The following HIKESHI variants were observed in gnomAD, a reference collection of about 807,000 sequenced individuals.
HIKESHI encodes the protein protein Hikeshi.
Under a neutral mutation model 25.7 loss-of-function variants are expected in HIKESHI, and 13 were observed. The observed-to-expected ratio is 0.51, with a 90% CI of 0.33 to 0.80. The LOEUF (loss-of-function observed/expected upper bound fraction) is 0.80, where lower values mean the gene tolerates loss of function less well. Among genes scored for constraint, HIKESHI ranks in the 30% least tolerant of loss-of-function variants. The probability of loss-of-function intolerance (pLI) is 0.02; values close to 1 mark genes in which losing one functional copy is unlikely to be tolerated. For missense variants in HIKESHI, 174 were observed against 229.5 expected (o/e 0.76, Z 1.56); for synonymous variants, 76 against 78.7 (o/e 0.97, Z 0.18).
intron 2 of HIKESHI, chr11:86,324,054 G>C (rs1243135578): frequency 6.6e-6 from 1 of 151,998 alleles, no homozygotes; most frequent in Non-Finnish European, 1.5e-5. Context: ...GAGTGCAGTG[G>C]CTATATACAG....
intron 2 of HIKESHI, among the ~76,000 whole-genome samples, chr11:86,327,792 T>C (rs1947321320): frequency 6.6e-6 from 1 of 152,228 alleles, no homozygotes; most frequent in East Asian, 1.9e-4. Context: ...TTTAATTGTT[T>C]TACTAGCAAT....
chr11:86,326,511 A>T (rs1319352077), intron 2 of HIKESHI: 1 of 456,130 alleles, frequency 2.2e-6, no homozygotes, highest in Non-Finnish European at 4.4e-6. Flanking sequence ...CTCATTCATC[A>T]GGTAATTATT....
chr11:86,307,645 A>C (rs11234606), intron 2 of HIKESHI, among the ~76,000 whole-genome samples: 2,036 of 30,914 alleles, frequency 0.066, 530 homozygotes, highest in East Asian at 0.2. Flanking sequence ...CATTATATAT[A>C]AAATATATAT....
At position 86,344,946 on chromosome 11, in the gene HIKESHI, T is replaced by C. The variant is rs556395697; in HGVS notation, c.539+225T>C. 1.3e-4 allele frequency: 71 copies of C among 532,264 alleles called. No homozygotes were observed. In the South Asian group the frequency reaches 2.4e-3, roughly 18 times the overall value. 33.0% of individuals were successfully genotyped at this position (532,264 alleles called of 1,614,324 possible). A position where few individuals can be genotyped will look rare whatever the true frequency, so the allele number is the denominator to read the frequency against. The stretch of plus-strand genomic sequence containing the variant: ...ATGAATTTATAAAGACAGGAAAATA[T>C]AGTTGCCTATGTTTTAGGGACCACT... On this transcript the variant is annotated intron_variant, in intron 4 of 4. Transcript: ENST00000278483.
intron 2 of HIKESHI, among the ~76,000 whole-genome samples, chr11:86,321,911 G>A (rs1947159357): frequency 6.6e-6 from 1 of 152,112 alleles, no homozygotes; most frequent in African/African-American, 2.4e-5. Flanking sequence ...TCAGTTTTAA[G>A]CATTCTAATA....
intron 2 of HIKESHI, among the ~76,000 whole-genome samples, chr11:86,315,227 T>C (rs1004249236): frequency 1.3e-5 from 2 of 152,168 alleles, no homozygotes; most frequent in Non-Finnish European, 1.5e-5. Context: ...CATTTATAGC[T>C]GAACAGCAGT....
In HIKESHI at chr11:86,326,222, C is replaced by T. The variant is rs571559769; in HGVS notation, c.269-11157C>T. ...TTGAGGCAGGAGAATCACTTGAACC[C>T]AGGTGGTGGAGGTTGCAGTGAGCCA... On this transcript the variant is annotated intron_variant, in intron 2 of 4. Transcript: ENST00000278483. Among the ~76,000 whole-genome samples, 111 of 152,254 alleles carry T rather than the reference C, an allele frequency of 7.3e-4. 3 individuals carry two copies. In the South Asian group the frequency reaches 0.023, roughly 31 times the overall value.
intron 1 of HIKESHI, among the ~76,000 whole-genome samples, chr11:86,302,903 G>C (rs1019568185): frequency 2.0e-5 from 3 of 152,168 alleles, no homozygotes; most frequent in Non-Finnish European, 4.4e-5. Context: ...AGGTGAATTT[G>C]GGATTGAATT....
chr11:86,311,772 T>C (rs1243190810), intron 2 of HIKESHI, among the ~76,000 whole-genome samples: 4 of 152,218 alleles, frequency 2.6e-5, no homozygotes, highest in African/African-American at 9.7e-5. Flanking sequence ...TTTATTCTTA[T>C]TGGTTTCAAA....
intron 2 of HIKESHI, among the ~76,000 whole-genome samples, chr11:86,332,647 G>T (rs1183737914): frequency 6.6e-6 from 1 of 152,038 alleles, no homozygotes; most frequent in Non-Finnish European, 1.5e-5. Flanking sequence ...TTACAAAAAG[G>T]GGGCTAAAAT....
chr11:86,302,734 A>G (rs552266196), intron 1 of HIKESHI, among the ~76,000 whole-genome samples: 3 of 152,334 alleles, frequency 2.0e-5, no homozygotes, highest in Admixed American at 6.5e-5. Context: ...GCTAAGTGCA[A>G]TGCACGCCTT....
intron 2 of HIKESHI, among the ~76,000 whole-genome samples, chr11:86,329,574 CT>C (rs71040232): frequency 8.1e-4 from 116 of 143,868 alleles, no homozygotes; most frequent in Middle Eastern, 7.1e-3. Flanking sequence ...CCTGTGATTT[CT>C]TTTTTTTTTT....
intron 3 of HIKESHI, among the ~76,000 whole-genome samples, chr11:86,338,590 G>A (rs1221328019): frequency 2.0e-5 from 3 of 152,202 alleles, no homozygotes; most frequent in Non-Finnish European, 2.9e-5. Flanking sequence ...TCTAGCAGAG[G>A]AGGAGTGAAT....
intron 2 of HIKESHI, among the ~76,000 whole-genome samples, chr11:86,317,528 G>T (rs575800922): frequency 6.6e-6 from 1 of 152,212 alleles, no homozygotes; most frequent in African/African-American, 2.4e-5. Flanking sequence ...TCAAGGGCTG[G>T]GTGTGGTGGC....
At chr11:86,304,948 A>G (rs978643671) in intron 1 of HIKESHI, among the ~76,000 whole-genome samples, 1 of 152,196 alleles carries the variant, frequency 6.6e-6, no homozygotes, top group African/African-American at 2.4e-5. Context: ...TTTGTGAATA[A>G]GGAGGATTGC....
chr11:86,338,043 A>G (rs1465160056), intron 3 of HIKESHI, among the ~76,000 whole-genome samples: 1 of 152,176 alleles, frequency 6.6e-6, no homozygotes, highest in Non-Finnish European at 1.5e-5. Flanking sequence ...AACAGTTAAG[A>G]TCTGATCTCT....
chr11:86,307,918 AAT>A (rs796628123), intron 2 of HIKESHI, among the ~76,000 whole-genome samples: 296 of 24,660 alleles, frequency 0.012, 9 homozygotes, highest in South Asian at 0.037. Flanking sequence ...TATTATGTGT[AAT>A]ATATAATATA....
intron 2 of HIKESHI, among the ~76,000 whole-genome samples, chr11:86,311,409 C>T (rs527582343): frequency 1.3e-5 from 2 of 151,956 alleles, no homozygotes; most frequent in Admixed American, 1.3e-4. Flanking sequence ...TGGTGATATC[C>T]CCTTTATCAT....
At chr11:86,323,261 G>T (rs1481124302) in intron 2 of HIKESHI, among the ~76,000 whole-genome samples, 1 of 151,670 alleles carries the variant, frequency 6.6e-6, no homozygotes, top group African/African-American at 2.4e-5. Context: ...AAATATATGA[G>T]TATTTATGTA....
Sources: gnomAD v4.1 joint callset for allele counts (sites outside exome capture counted in the v4.1 genomes callset) on GRCh38, gnomAD v4.1.1 for gene constraint, MANE v1.5 for transcripts, NCBI Gene and HGNC (gene_info 2026-07-23, HGNC 2026-07-21) for gene names.